KLF3: variants seen among roughly 807,000 people sequenced by gnomAD.
KLF3 encodes the protein Krueppel-like factor 3.
KLF3 carries 6 observed loss-of-function variants against 32.7 expected under a neutral mutation model. That is an observed-to-expected ratio of 0.18 (90% CI 0.10 to 0.36). KLF3 has a LOEUF of 0.36. KLF3 is among the 10% of genes least tolerant of loss of function. KLF3 has a pLI of 1.00. For missense variants in KLF3, 338 were observed against 449.7 expected, an observed-to-expected ratio of 0.75 and a Z score of 2.25; for synonymous variants, 145 against 172.8, an observed-to-expected ratio of 0.84 and a Z score of 1.26.
At position 38,688,813 on chromosome 4, in the gene KLF3, A is replaced by C; in HGVS notation, c.286A>C (p.Ser96Arg). 6.2e-7 allele frequency: 1 copy of C among 1,614,078 alleles called. No individual in the cohort carries two copies. Among genetic ancestry groups the C allele is most frequent in the Admixed American group, 1.7e-5 (1 of 60,006 alleles). Reference protein sequence around the residue: ...SSHRRASPGLSMPSSSPPIKK... With the variant: ...SSHRRASPGLRMPSSSPPIKK... ...ACACCGGAGAGCCTCGCCTGGGTTG[A>C]GCATGCCTTCTTCCAGCCCACCGAT... The change falls in exon 3 of 6, where the codon AGC becomes CGC. Residue 96 changes from serine to arginine, a missense_variant. Ser to Arg is a moderately radical substitution (Grantham distance 110). Coordinates refer to ENST00000261438, the MANE Select transcript of KLF3 (RefSeq NM_016531.6). This position sits in a 1 kb window ranked among gnomAD's most constrained non-coding sequence, Gnocchi z 4.9.
At chr4:38,695,307 A>T (rs1723015832) in intron 5 of KLF3, among the ~76,000 whole-genome samples, 1 of 152,236 alleles carries the variant, frequency 6.6e-6, no homozygotes, top group African/African-American at 2.4e-5. Flanking sequence ...AAATTAATGC[A>T]ACAGTTTAAC....
At chr4:38,686,905 A>G (rs1016139344) in intron 2 of KLF3, among the ~76,000 whole-genome samples, 3 of 152,228 alleles carry the variant, frequency 2.0e-5, no homozygotes, top group African/African-American at 7.2e-5. Context: ...AATTTTAAAA[A>G]CAACACAGAT....
chr4:38,696,204 A>C (rs76187726), intron 5 of KLF3, among the ~76,000 whole-genome samples: 1 of 151,788 alleles, frequency 6.6e-6, no homozygotes, highest in African/African-American at 2.4e-5. Flanking sequence ...AAAAAAAAAA[A>C]AAAACGCCTC....
intron 2 of KLF3, among the ~76,000 whole-genome samples, chr4:38,681,275 T>C (rs1404762831): frequency 1.3e-5 from 2 of 152,136 alleles, no homozygotes; most frequent in Non-Finnish European, 2.9e-5. Flanking sequence ...CAGAAGTAAG[T>C]TTACAAAAAT....
chr4:38,680,457 G>A (rs1289089068), intron 1 of KLF3, 130 bp from the exon 2 acceptor site: 15 of 481,594 alleles, frequency 3.1e-5, no homozygotes, highest in East Asian at 1.0e-4. Flanking sequence ...CAGGCGATCC[G>A]TCTGCCTCAG....
intron 2 of KLF3, among the ~76,000 whole-genome samples, chr4:38,686,962 A>G (rs142881424): frequency 1.2e-3 from 180 of 152,340 alleles, no homozygotes; most frequent in African/African-American, 4.0e-3. Flanking sequence ...CCAAGCCCAG[A>G]GAGGAAAGAG....
At chr4:38,694,981 C>G (rs2109257381) in intron 5 of KLF3, 75 bp downstream of exon 5, 1 of 1,446,184 alleles carries the variant, frequency 6.9e-7, no homozygotes, top group Admixed American at 2.5e-5. Flanking sequence ...TTGTTACGAT[C>G]AAAGTTTTCA....
intron 1 of KLF3, among the ~76,000 whole-genome samples, chr4:38,673,621 T>C (rs989977593): frequency 6.6e-6 from 1 of 152,162 alleles, no homozygotes; most frequent in African/African-American, 2.4e-5. Flanking sequence ...AAGAAGGGTG[T>C]GGAATGCCAC....
In KLF3 at chr4:38,689,075, A is replaced by T. The variant is rs1331241737; in HGVS notation, c.544+4A>T. The T allele has an allele frequency of 8.7e-6, 14 of 1,612,054 alleles. No homozygotes were observed. Among genetic ancestry groups the T allele is most frequent in the Non-Finnish European group, 1.2e-5 (14 of 1,178,312 alleles). On this transcript the variant is annotated splice_donor_region_variant and intron_variant, in intron 3 of 5. Coordinates refer to ENST00000261438, the MANE Select transcript of KLF3 (RefSeq NM_016531.6). ...AATTCCAGTAGTAGCATGCAAGGTA[A>T]ATTCCGCCACTGCTCCATGCTGCTG...
Position 38,700,560 on chromosome 4 carries a change from T to A in KLF3, c.*3297T>A, listed in dbSNP as rs1020901506. The A allele has an allele frequency of 6.6e-6, 1 of 152,244 alleles. No homozygotes were observed. The highest frequency in any genetic ancestry group is 1.5e-5 in the Non-Finnish European group (1 of 68,034). 9.4% of individuals were successfully genotyped at this position (152,244 alleles called of 1,614,324 possible). ...CCTAAACAATACATTTACAAAGCCA[T>A]CTTTACATGCATTAAACGAGGGCTA... On this transcript the variant is annotated 3_prime_UTR_variant, in exon 6 of 6. Coordinates refer to ENST00000261438, the MANE Select transcript of KLF3 (RefSeq NM_016531.6).
Position 38,689,828 on chromosome 4 carries a change from T to C in KLF3, c.644T>C (p.Met215Thr). 2 of 1,612,488 alleles carry C rather than the reference T, an allele frequency of 1.2e-6. No individual in the cohort carries two copies. The highest frequency in any genetic ancestry group is 1.7e-6 in the Non-Finnish European group (2 of 1,179,056). Reference protein sequence around the residue: ...PQRTDYYPEEMSPPLMNSVSP... With the variant: ...PQRTDYYPEETSPPLMNSVSP... ...AGGACAGATTATTATCCTGAAGAAATGTCACCCCCCTTAATGAACTCAGTG... is the reference window on the plus strand; with the variant it reads ...AGGACAGATTATTATCCTGAAGAAACGTCACCCCCCTTAATGAACTCAGTG... The change falls in exon 4 of 6, where the codon ATG becomes ACG. Residue 215 changes from methionine (M) to threonine (T), a missense_variant. Coordinates refer to ENST00000261438, the MANE Select transcript of KLF3 (RefSeq NM_016531.6).
intron 2 of KLF3, among the ~76,000 whole-genome samples, chr4:38,682,959 A>AT (rs1326887293): frequency 1.3e-5 from 2 of 151,604 alleles, no homozygotes; most frequent in African/African-American, 4.8e-5. Flanking sequence ...AGCAGGAAGT[A>AT]TTTTTTTCTT....
intron 1 of KLF3, among the ~76,000 whole-genome samples, chr4:38,675,389 T>TC (rs1722313186): frequency 7.8e-6 from 1 of 127,406 alleles, no homozygotes; most frequent in South Asian, 2.4e-4. Context: ...AATTTTGCCC[T>TC]TCCCCCCCCT....
Position 38,697,161 on chromosome 4 carries a change from A to G in KLF3, c.936A>G (p.Arg312=), listed in dbSNP as rs149372373. 2.6e-5 allele frequency: 42 copies of G among 1,614,008 alleles called. No individual in the cohort carries two copies. The highest frequency in any genetic ancestry group is 3.3e-5 in the Non-Finnish European group (39 of 1,180,004). Reference sequence around the variant, plus strand: ...CTGATGAACTAACAAGACATTTCCGAAAACATACTGGAATCAAACCTTTCC... The same window carrying G: ...CTGATGAACTAACAAGACATTTCCGGAAACATACTGGAATCAAACCTTTCC... The part of the protein sequence containing the change: ...ARSDELTRHF[R]KHTGIKPFQC... The change falls in exon 6 of 6, where the codon CGA becomes CGG. Residue 312 remains arginine, a synonymous_variant. Transcript: ENST00000261438.
intron 1 of KLF3, among the ~76,000 whole-genome samples, chr4:38,670,944 G>T (rs1252413140): frequency 6.6e-6 from 1 of 152,218 alleles, no homozygotes; most frequent in Non-Finnish European, 1.5e-5. Flanking sequence ...GGATGGAGTA[G>T]ATCTACAGTG....
chr4:38,689,859 C>A lies in KLF3; in HGVS notation c.675C>A (p.Pro225=). ...CCCCCTTAATGAACTCAGTGTCCCC[C>A]CCGCAAGCATTGTTGCAAGAGTAAG... The part of the protein sequence containing the change: ...MSPPLMNSVS[P]PQALLQENHP... Residue 225 remains proline, a synonymous_variant, in exon 4 of 6, where the codon CCC becomes CCA. Transcript: ENST00000261438. The A allele has an allele frequency of 7.0e-7, 1 of 1,424,332 alleles. No individual in the cohort carries two copies. Among genetic ancestry groups the A allele is most frequent in the Non-Finnish European group, 9.4e-7 (1 of 1,064,000 alleles). 88.2% of individuals were successfully genotyped at this position (1,424,332 alleles called of 1,614,324 possible).
chr4:38,692,166 AGGG>A (rs1722894170), intron 4 of KLF3, among the ~76,000 whole-genome samples: 1 of 152,240 alleles, frequency 6.6e-6, no homozygotes, highest in African/African-American at 2.4e-5. Flanking sequence ...CAAACTTAAG[AGGG>A]GCTGTCTCAG....
chr4:38,682,645 T>C (rs1722564301), intron 2 of KLF3, among the ~76,000 whole-genome samples: 1 of 151,842 alleles, frequency 6.6e-6, no homozygotes, highest in Non-Finnish European at 1.5e-5. Flanking sequence ...AAAATGAAGA[T>C]CCACATTGCT....
chr4:38,672,378 G>A (rs962960727), intron 1 of KLF3, among the ~76,000 whole-genome samples: 3 of 152,252 alleles, frequency 2.0e-5, no homozygotes, highest in Admixed American at 6.5e-5. Flanking sequence ...GGTGTGGGAC[G>A]CACCACTGGG....
Sources: gnomAD v4.1 joint callset for allele counts (sites outside exome capture counted in the v4.1 genomes callset) on GRCh38, gnomAD v4.1.1 for gene constraint, Gnocchi (gnomAD v3.1) non-coding constraint, MANE v1.5 for transcripts, NCBI Gene and HGNC (gene_info 2026-07-23, HGNC 2026-07-21) for gene names.